The following TSC2 variants were observed in gnomAD, a reference collection of about 807,000 sequenced individuals.
TSC2 encodes TSC complex subunit 2.
A neutral mutation model predicts 202.2 loss-of-function variants in TSC2; 29 were observed. That is an observed-to-expected ratio of 0.14 (90% CI 0.11 to 0.20). TSC2 has a LOEUF of 0.20. Ranked by LOEUF, TSC2 falls within the 10% of genes least tolerant of loss-of-function variation. TSC2 has a pLI of 1.00. For missense variants in TSC2, 2,429 were observed against 2,420.0 expected, an observed-to-expected ratio of 1.00 and a Z score of -0.08; for synonymous variants, 1,349 against 1,044.0, an observed-to-expected ratio of 1.29 and a Z score of -5.63.
chr16:2,078,789 C>T (rs991006819), intron 26 of TSC2: 13 of 578,946 alleles, frequency 2.2e-5, no homozygotes, highest in Admixed American at 9.0e-5. Flanking sequence ...ATGTCGGTCT[C>T]TAGCCTCCTG....
intron 22 of TSC2, 89 bp downstream of exon 22, chr16:2,074,478 C>T (rs549268937): frequency 6.6e-7 from 1 of 1,510,020 alleles, no homozygotes; most frequent in Non-Finnish European, 9.0e-7. Context: ...CTCAGGACTC[C>T]TTGGGGAACC....
chr16:2,053,938 T>A, intron 4 of TSC2: 1 of 439,558 alleles, frequency 2.3e-6, no homozygotes, highest in Admixed American at 3.1e-5. Context: ...TCTCACAGGC[T>A]CTCCTGGGTT....
At chr16:2,062,695 C>T (rs554485863) in intron 13 of TSC2, 95 bp downstream of exon 13, 10 of 1,303,372 alleles carry the variant, frequency 7.7e-6, no homozygotes, top group Middle Eastern at 2.5e-4. Context: ...GCCCGATGAG[C>T]AGGGCCCTCC....
At chr16:2,088,425 C>T in intron 41 of TSC2, 21 bp from the exon 42 acceptor site, 1 of 1,612,720 alleles carries the variant, frequency 6.2e-7, no homozygotes, top group Non-Finnish European at 8.5e-7. Flanking sequence ...GACTTACTGC[C>T]CAAGCCGCCT....
intron 31 of TSC2, 152 bp from the exon 32 acceptor site, chr16:2,082,284 C>T (rs2090235739): frequency 2.4e-6 from 2 of 833,782 alleles, no homozygotes; most frequent in South Asian, 1.4e-5. Context: ...TCTGCCCAAG[C>T]AGCTTGTAGC....
At position 2,052,883 on chromosome 16, in the gene TSC2, G is replaced by T. The variant is rs566088678; in HGVS notation, c.226-459G>T. 6.6e-5 allele frequency among the ~76,000 whole-genome samples: 10 copies of T among 152,288 alleles called. No individual in the cohort carries two copies. The East Asian group carries it at 1.9e-3, about 29-fold the overall frequency. On this transcript the variant is annotated intron_variant, in intron 3 of 41. Coordinates refer to ENST00000219476, the MANE Select transcript of TSC2 (RefSeq NM_000548.5). ...CAGCAGAGGTCGGGCAGGGGCATGGGGTCGAGGGCCCGATGCTGGTGTGTT... is the reference window on the plus strand; with the variant it reads ...CAGCAGAGGTCGGGCAGGGGCATGGTGTCGAGGGCCCGATGCTGGTGTGTT...
chr16:2,074,463 C>T lies in TSC2; in HGVS notation c.2545+74C>T, dbSNP rs147342909. The T allele has an allele frequency of 1.1e-3, 1,666 of 1,569,132 alleles. 4 individuals are homozygous for T. The highest frequency in any genetic ancestry group is 2.3e-3 in the Middle Eastern group (11 of 4,740). On this transcript the variant is annotated intron_variant, in intron 22 of 41. Transcript: ENST00000219476. ...TAACCTGTGCGGGCTTCTCTGGTGC[C>T]CTCTCTCAGGACTCCTTGGGGAACC...
chr16:2,056,921 G>C, intron 8 of TSC2, 152 bp downstream of exon 8: 6 of 1,457,654 alleles, frequency 4.1e-6, no homozygotes, highest in Non-Finnish European at 5.7e-6. Context: ...AGGCAGTTGA[G>C]CTGAGGTCAG....
chr16:2,061,583 C>T (rs1473062449), intron 11 of TSC2: 9 of 488,642 alleles, frequency 1.8e-5, no homozygotes, highest in Admixed American at 3.2e-5. Flanking sequence ...GGGTGGGGTA[C>T]GGGCAGGAAC....
At chr16:2,058,969 G>T in intron 10 of TSC2, 96 bp downstream of exon 10, 1 of 1,545,592 alleles carries the variant, frequency 6.5e-7, no homozygotes, top group South Asian at 1.2e-5. Context: ...TGCGGGGGCT[G>T]CGGTGGCATT....
At position 2,078,183 on chromosome 16, in the gene TSC2, G is replaced by T. The variant is rs144777279; in HGVS notation, c.2966+457G>T. ...GGGCAGCCTGGGAGGGCCTGGGTGG[G>T]GGCTAGGATCCTGCAGGGCATGGGC... On this transcript the variant is annotated intron_variant, in intron 26 of 41. Coordinates refer to ENST00000219476, the MANE Select transcript of TSC2 (RefSeq NM_000548.5). 834 of 238,652 alleles carry T rather than the reference G, an allele frequency of 3.5e-3. 11 individuals carry two copies. Among genetic ancestry groups the T allele is most frequent in the South Asian group, 3.8e-3 (71 of 18,662 alleles). 14.8% of individuals were successfully genotyped at this position (238,652 alleles called of 1,614,324 possible).
chr16:2,070,979 AGCTG>A (rs2088255062), intron 17 of TSC2, among the ~76,000 whole-genome samples: 2 of 151,388 alleles, frequency 1.3e-5, no homozygotes, highest in African/African-American at 4.9e-5. Context: ...GAGAGGGCAG[AGCTG>A]AGAGGGCAGG....
Position 2,048,218 on chromosome 16 carries a change from G to C in TSC2, c.-30+153G>C. On this transcript the variant is annotated intron_variant, in intron 1 of 41. Coordinates refer to ENST00000219476, the MANE Select transcript of TSC2 (RefSeq NM_000548.5). ...GCATCCCTTAGTTTTAAGTCATGGCGGGTGCGAACGGGTCTCTGCTGCAGG... is the reference window on the plus strand; with the variant it reads ...GCATCCCTTAGTTTTAAGTCATGGCCGGTGCGAACGGGTCTCTGCTGCAGG... The C allele has an allele frequency of 2.0e-6, 3 of 1,477,836 alleles. No individual in the cohort carries two copies. The Admixed American group carries it at 5.9e-5, about 29-fold the overall frequency. The allele number at this position is 1,477,836 out of a possible 1,614,324, so 91.5% of individuals were successfully genotyped here.
rs968717783 is a variant in TSC2, at chr16:2,078,872, G to A, written c.2967-160G>A. 38 of 875,166 alleles carry A rather than the reference G, an allele frequency of 4.3e-5. No individual in the cohort carries two copies. In the South Asian group the frequency reaches 4.6e-4, roughly 11 times the overall value. The allele number at this position is 875,166 out of a possible 1,614,324, so 54.2% of individuals were successfully genotyped here. The stretch of plus-strand genomic sequence containing the variant: ...CGTTCTCTGGGACAATGTGGTCCAC[G>A]TGATTCTCAAGCTGAGGCTCGCTGG... On this transcript the variant is annotated intron_variant, in intron 26 of 41. Transcript: ENST00000219476.
rs574318440 is a variant in TSC2, at chr16:2,079,123, C to G, written c.3058C>G (p.Leu1020Val). 2 of 1,613,092 alleles carry G rather than the reference C, an allele frequency of 1.2e-6. No homozygotes were observed. The highest frequency in any genetic ancestry group is 2.2e-5 in the East Asian group (1 of 44,876). ...TGACGATAGCCTGAAAAACCTCCAC[C>G]TGGAGCTCACGGAAACCTGTCTGGA... ...QADDSLKNLH[L>V]ELTETCLDMM... The change falls in exon 27 of 42, where the codon CTG becomes GTG. Residue 1020 changes from leucine to valine, a missense_variant. Leu to Val is a conservative substitution (Grantham distance 32, BLOSUM62 1). Transcript: ENST00000219476. The surrounding 1 kb of genome is among the most constrained non-coding windows in gnomAD (Gnocchi z 4.6).
Position 2,048,587 on chromosome 16 carries a change from AG to A in TSC2, c.-25del, listed in dbSNP as rs756894914. The stretch of plus-strand genomic sequence containing the variant: ...CCCCATTCCTGTTTCGTTTGCACAG[AG>A]GGGTTTTCTGGTGCGTCCTGGTCCA... On this transcript the variant is annotated splice_region_variant and 5_prime_UTR_variant, in exon 2 of 42. Coordinates refer to ENST00000219476, the MANE Select transcript of TSC2 (RefSeq NM_000548.5). 4 of 1,613,600 alleles carry A rather than the reference AG, an allele frequency of 2.5e-6. No homozygotes were observed. Among genetic ancestry groups the A allele is most frequent in the Non-Finnish European group, 3.4e-6 (4 of 1,180,008 alleles).
At chr16:2,063,417 A>G in intron 14 of TSC2, 1 of 397,356 alleles carries the variant, frequency 2.5e-6, no homozygotes, top group East Asian at 5.6e-5. Context: ...CACCCTGTGC[A>G]CCTGCGTGAT....
rs45490792 is a variant in TSC2, at chr16:2,071,616, T to G, written c.1946T>G (p.Met649Arg). 1.9e-6 allele frequency: 3 copies of G among 1,613,314 alleles called. No homozygotes were observed. The South Asian group carries it at 3.3e-5, about 18-fold the overall frequency. The change falls in exon 18 of 42, where the codon ATG becomes AGG. Residue 649 changes from methionine (M) to arginine (R), a missense_variant and splice_region_variant. Coordinates refer to ENST00000219476, the MANE Select transcript of TSC2 (RefSeq NM_000548.5). ...RFSPYCVCDY[M>R]EPERGSEKKT... is the part of the protein sequence containing the mutation. The stretch of plus-strand genomic sequence containing the variant: ...AGCCCCTACTGCGTCTGCGACTACA[T>G]GTACGCGGGACCTCGCCCACGGCCC...
At chr16:2,083,453 C>T (rs1356295689) in intron 32 of TSC2, 2 of 652,602 alleles carry the variant, frequency 3.1e-6, no homozygotes, top group Non-Finnish European at 5.5e-6. Flanking sequence ...CTAGGGTGGG[C>T]AGAGCCGATT....
Sources: gnomAD v4.1 joint callset for allele counts (sites outside exome capture counted in the v4.1 genomes callset) on GRCh38, gnomAD v4.1.1 for gene constraint, Gnocchi (gnomAD v3.1) non-coding constraint, MANE v1.5 for transcripts, NCBI Gene and HGNC (gene_info 2026-07-23, HGNC 2026-07-21) for gene names.